GFM1: variants seen among roughly 807,000 people sequenced by gnomAD.
GFM1 encodes the protein G elongation factor mitochondrial 1.
A neutral mutation model predicts 96.2 loss-of-function variants in GFM1; 62 were observed. The ratio of observed to expected loss-of-function variants is 0.64; its 90% CI spans 0.53 to 0.80. The LOEUF (loss-of-function observed/expected upper bound fraction) is 0.80. Ranked by LOEUF, GFM1 falls within the 30% of genes least tolerant of loss-of-function variation. GFM1 has a pLI of 0.00. For missense variants in GFM1, 852 were observed against 916.6 expected (o/e 0.93, Z 0.91); for synonymous variants, 282 against 312.9 (o/e 0.90, Z 1.04).
At chr3:158,647,000 T>A in intron 4 of GFM1, 53 bp downstream of exon 4, 2 of 1,373,722 alleles carry the variant, frequency 1.5e-6, no homozygotes, top group Non-Finnish European at 2.1e-6. Flanking sequence ...ACAGCAAACC[T>A]TATATCCAAA....
At chr3:158,677,791 C>T (rs1168253755) in intron 13 of GFM1, among the ~76,000 whole-genome samples, 4 of 152,244 alleles carry the variant, frequency 2.6e-5, no homozygotes, top group African/African-American at 9.6e-5. Context: ...CATGAGCCAC[C>T]ATGCCTGGCC....
Position 158,694,721 on chromosome 3 carries a change from A to G in GFM1, c.*3254A>G, listed in dbSNP as rs527674948. Among the ~76,000 whole-genome samples the G allele has an allele frequency of 1.6e-4, 25 of 152,112 alleles. No homozygotes were observed. Among genetic ancestry groups the G allele is most frequent in the Non-Finnish European group, 2.9e-4 (20 of 68,012 alleles). On this transcript the variant is annotated 3_prime_UTR_variant, in exon 18 of 18. Transcript: ENST00000486715. ...CTTGATAACTTTACCTTAAAAAAAA[A>G]AGTGTTCCTATTTATATAAGCTTCC...
intron 13 of GFM1, chr3:158,668,986 AACT>A: frequency 6.3e-7 from 1 of 1,599,282 alleles, no homozygotes; most frequent in African/African-American, 1.3e-5. Flanking sequence ...ATTTTATAGA[AACT>A]ACTTACCACT....
Position 158,652,228 on chromosome 3 carries a change from C to G in GFM1, c.822C>G (p.Pro274=). Residue 274 remains proline (P), a synonymous_variant, in exon 6 of 18, where the codon CCC becomes CCG. Transcript: ENST00000486715. ...AGATGTTTCTGGAAGAAAAAATCCC[C>G]TCGATTTCTGATTTAAAGGCAAGTG... ...LGEMFLEEKI[P]SISDLKLAIR... is the part of the protein sequence containing the mutation. 6.2e-7 allele frequency: 1 copy of G among 1,614,060 alleles called. No homozygotes were observed. Among genetic ancestry groups the G allele is most frequent in the Non-Finnish European group, 8.5e-7 (1 of 1,179,984 alleles).
At position 158,653,401 on chromosome 3, in the gene GFM1, A is replaced by G; in HGVS notation, c.932A>G (p.Asp311Gly). 1 of 1,613,202 alleles carries G rather than the reference A, an allele frequency of 6.2e-7. No individual in the cohort carries two copies. Among genetic ancestry groups the G allele is most frequent in the East Asian group, 2.2e-5 (1 of 44,818 alleles). ...LKNKGVQPLL[D>G]AVLEYLPNPS... ...AACAAAGGAGTTCAGCCTCTTTTAG[A>G]TGCTGTTTTAGAATACCTCCCAAAT... The change falls in exon 7 of 18, where the codon GAT becomes GGT. Residue 311 changes from aspartate (D) to glycine (G), a missense_variant. Asp to Gly is a moderately conservative substitution (Grantham distance 94). Transcript: ENST00000486715.
At chr3:158,666,431 C>G (rs1560135937) in intron 13 of GFM1, 45 bp downstream of exon 13, 1 of 1,515,984 alleles carries the variant, frequency 6.6e-7, no homozygotes, top group Admixed American at 1.7e-5. Flanking sequence ...GAAATTGAAG[C>G]TTTTTATTTT....
intron 13 of GFM1, among the ~76,000 whole-genome samples, chr3:158,675,310 A>G (rs6441217): frequency 0.21 from 22,792 of 111,080 alleles, 3,752 homozygotes; most frequent in African/African-American, 0.27. Flanking sequence ...AAAAAAAAAA[A>G]CAAGTTTTCA....
intron 13 of GFM1, chr3:158,670,908 G>C (rs1724222237): frequency 6.9e-7 from 1 of 1,448,062 alleles, no homozygotes; most frequent in Non-Finnish European, 9.1e-7. Flanking sequence ...ACTTCAGCCT[G>C]GGTGATAGAG....
At chr3:158,664,831 A>G (rs16829273) in intron 11 of GFM1, among the ~76,000 whole-genome samples, 24,418 of 152,122 alleles carry the variant, frequency 0.16, 2,094 homozygotes, top group South Asian at 0.22. Context: ...ATTACATGGC[A>G]TCTAAGGAGA....
intron 6 of GFM1, among the ~76,000 whole-genome samples, chr3:158,652,733 G>A (rs1486415223): frequency 6.6e-6 from 1 of 152,204 alleles, no homozygotes; most frequent in African/African-American, 2.4e-5. Context: ...GGCTTCCTGT[G>A]TGTATGTTCT....
intron 9 of GFM1, 100 bp downstream of exon 9, chr3:158,659,159 A>T: frequency 7.6e-7 from 1 of 1,314,590 alleles, no homozygotes. Context: ...ATTCTGGTTA[A>T]ATATATGTTT....
chr3:158,670,962 G>T lies in GFM1; in HGVS notation c.1601+4576G>T, dbSNP rs141329747. On this transcript the variant is annotated intron_variant, in intron 13 of 17. Coordinates refer to ENST00000486715, the MANE Select transcript of GFM1 (RefSeq NM_024996.7). Reference sequence around the variant, plus strand: ...AAAAAAGAAATTTAACTTACTTTTTGTATAATTTCTTCAACAGCAAATTTA... The same window carrying T: ...AAAAAAGAAATTTAACTTACTTTTTTTATAATTTCTTCAACAGCAAATTTA... 1.3e-3 allele frequency: 1,923 copies of T among 1,536,964 alleles called. 4 individuals are homozygous for T. Among genetic ancestry groups the T allele is most frequent in the Non-Finnish European group, 1.6e-3 (1,822 of 1,144,374 alleles).
chr3:158,659,212 A>C, intron 9 of GFM1, 153 bp downstream of exon 9: 1 of 844,450 alleles, frequency 1.2e-6, no homozygotes, highest in Non-Finnish European at 1.8e-6. Context: ...CTGATCTAGC[A>C]CTTTGCTATA....
intron 1 of GFM1, 153 bp downstream of exon 1, chr3:158,644,868 C>T (rs928858622): frequency 1.3e-5 from 9 of 695,616 alleles, no homozygotes; most frequent in Non-Finnish European, 2.1e-5. Context: ...ACCTCGGTGC[C>T]TGCACATTAG....
At position 158,645,677 on chromosome 3, in the gene GFM1, GA is replaced by G. The variant is rs1721717504; in HGVS notation, c.136del (p.Ile46TyrfsTer17). On this transcript the variant is annotated frameshift_variant, in exon 2 of 18. Transcript: ENST00000486715. LOFTEE classifies it high-confidence loss of function. ...RWSSSGVIPN[E>X]KIRNIGISAH... ...GTCTTCATCAGGGGTGATTCCTAAT[GA>G]AAAAATACGAAATATTGGAATCTCA... The G allele has an allele frequency of 6.2e-7, 1 of 1,612,324 alleles. No homozygotes were observed. The highest frequency in any genetic ancestry group is 8.5e-7 in the Non-Finnish European group (1 of 1,178,384).
intron 13 of GFM1, among the ~76,000 whole-genome samples, chr3:158,671,615 C>T (rs1007183658): frequency 6.6e-6 from 1 of 152,086 alleles, no homozygotes. Context: ...GGTACAGTTT[C>T]AAAATAAGAT....
At chr3:158,659,201 T>G in intron 9 of GFM1, 142 bp downstream of exon 9, 1 of 940,918 alleles carries the variant, frequency 1.1e-6, no homozygotes, top group Non-Finnish European at 1.6e-6. Flanking sequence ...GTGTTGTAGC[T>G]CTGATCTAGC....
At chr3:158,656,184 G>A (rs1576740324) in intron 8 of GFM1, 4 of 226,196 alleles carry the variant, frequency 1.8e-5, no homozygotes, top group Admixed American at 5.7e-5. Context: ...ATGAGATTTC[G>A]CTCTTGTTGC....
At chr3:158,675,251 A>ACT (rs1724775294) in intron 13 of GFM1, among the ~76,000 whole-genome samples, 1 of 135,020 alleles carries the variant, frequency 7.4e-6, no homozygotes, top group South Asian at 2.4e-4. Flanking sequence ...ATGCCACTGC[A>ACT]CTCCAGCCTG....
Sources: allele counts gnomAD v4.1 joint callset (sites outside exome capture counted in the v4.1 genomes callset), GRCh38; gene constraint gnomAD v4.1.1; transcripts MANE v1.5; gene names NCBI Gene and HGNC (gene_info 2026-07-23, HGNC 2026-07-21).